Variants in SBF2 observed in about 807,000 individuals in gnomAD.
The protein encoded by SBF2 is SET binding factor 2.
SBF2 carries 112 observed loss-of-function variants against 225.2 expected under a neutral mutation model. The observed-to-expected ratio is 0.50, with a 90% CI of 0.43 to 0.58. The LOEUF (loss-of-function observed/expected upper bound fraction) is 0.58. SBF2 is among the 20% of genes least tolerant of loss of function. The pLI is 0.00. For missense variants in SBF2, 1,996 were observed against 2,206.2 expected (o/e 0.90, Z 1.91); for synonymous variants, 763 against 773.3 (o/e 0.99, Z 0.22).
intron 6 of SBF2, among the ~76,000 whole-genome samples, chr11:10,008,329 G>A (rs960344264): frequency 2.6e-5 from 4 of 152,150 alleles, no homozygotes; most frequent in African/African-American, 9.7e-5. Flanking sequence ...CATCAGAAGG[G>A]CAACTGGTCC....
At chr11:10,251,994 A>G (rs1465961568) in intron 1 of SBF2, among the ~76,000 whole-genome samples, 1 of 152,244 alleles carries the variant, frequency 6.6e-6, no homozygotes, top group Non-Finnish European at 1.5e-5. Flanking sequence ...CGAGGCCCCA[A>G]CAGGCCAAAC....
intron 16 of SBF2, among the ~76,000 whole-genome samples, chr11:9,939,381 C>T (rs955233659): frequency 6.6e-6 from 1 of 152,198 alleles, no homozygotes; most frequent in Non-Finnish European, 1.5e-5. Flanking sequence ...CAGGCGTGAG[C>T]CACTGCGCCC....
chr11:9,930,187 T>C (rs532026675), intron 16 of SBF2, among the ~76,000 whole-genome samples: 1 of 152,060 alleles, frequency 6.6e-6, no homozygotes. Flanking sequence ...TGAAAAAAAA[T>C]GTGTTTGAGC....
intron 6 of SBF2, among the ~76,000 whole-genome samples, chr11:10,026,351 C>T (rs546282889): frequency 9.0e-4 from 137 of 152,206 alleles, no homozygotes; most frequent in Non-Finnish European, 1.5e-3. Flanking sequence ...TAAAAAAGGT[C>T]AGGTGAATGG....
chr11:10,006,475 C>T (rs754941117), intron 6 of SBF2, among the ~76,000 whole-genome samples: 1 of 152,176 alleles, frequency 6.6e-6, no homozygotes, highest in Non-Finnish European at 1.5e-5. Flanking sequence ...TAGTTTTCCA[C>T]CCACATAGGG....
chr11:10,239,877 C>T (rs1235248798), intron 1 of SBF2, among the ~76,000 whole-genome samples: 3 of 152,004 alleles, frequency 2.0e-5, no homozygotes. Flanking sequence ...ATTTATAGAG[C>T]ACATAAATGT....
In SBF2 at chr11:10,154,775, C is replaced by T. The variant is rs888011213; in HGVS notation, c.141+39127G>A. Among the ~76,000 whole-genome samples, 4 of 152,288 alleles carry T rather than the reference C, an allele frequency of 2.6e-5. 1 individual carries two copies. The highest frequency in any genetic ancestry group is 6.8e-3 in the Middle Eastern group (2 of 294). On this transcript the variant is annotated intron_variant, in intron 2 of 39. Coordinates refer to ENST00000256190, the MANE Select transcript of SBF2 (RefSeq NM_030962.4). ...AAATTAAACTTATGTTTTCTTTTAGCAGGCAGCTAGCCTAATGGCCTTAGA... is the reference window on the plus strand; with the variant it reads ...AAATTAAACTTATGTTTTCTTTTAGTAGGCAGCTAGCCTAATGGCCTTAGA...
intron 6 of SBF2, among the ~76,000 whole-genome samples, chr11:10,026,185 C>T (rs768587894): frequency 3.3e-5 from 5 of 152,024 alleles, no homozygotes; most frequent in African/African-American, 4.8e-5. Flanking sequence ...CCTCACAACT[C>T]ATGGTAAAAC....
chr11:10,015,941 T>A (rs1948632156), intron 6 of SBF2, among the ~76,000 whole-genome samples: 1 of 152,022 alleles, frequency 6.6e-6, no homozygotes, highest in Non-Finnish European at 1.5e-5. Context: ...TCACTCCAGC[T>A]AATTTTTGTA....
intron 2 of SBF2, among the ~76,000 whole-genome samples, chr11:10,189,547 C>T (rs1957075156): frequency 1.3e-5 from 2 of 152,144 alleles, no homozygotes; most frequent in Admixed American, 6.6e-5. Context: ...ATGTGGAATA[C>T]AAGCTCTTTT....
chr11:9,974,977 A>AAAAAAAAAAAAAAAAAC (rs1946617274), intron 13 of SBF2, among the ~76,000 whole-genome samples: 1 of 122,732 alleles, frequency 8.1e-6, no homozygotes, highest in Non-Finnish European at 1.7e-5. Context: ...AAAAAAAAAA[A>AAAAAAAAAAAAAAAAAC]AAAAAAAAAA....
At chr11:10,269,631 A>C (rs1263483509) in intron 1 of SBF2, among the ~76,000 whole-genome samples, 1 of 152,250 alleles carries the variant, frequency 6.6e-6, no homozygotes, top group Non-Finnish European at 1.5e-5. Flanking sequence ...TGAGGTAGAT[A>C]CTACTATTTA....
intron 16 of SBF2, among the ~76,000 whole-genome samples, chr11:9,903,074 C>G (rs1861849376): frequency 6.6e-6 from 1 of 152,070 alleles, no homozygotes; most frequent in Non-Finnish European, 1.5e-5. Flanking sequence ...GTAATCCCAG[C>G]ACTTTGGGAG....
chr11:9,929,267 A>AT (rs1864297670), intron 16 of SBF2: 2 of 177,064 alleles, frequency 1.1e-5, no homozygotes, highest in Non-Finnish European at 2.3e-5. Context: ...ACCAAAAAAA[A>AT]CAAAAAACAA....
At chr11:10,102,945 A>C (rs928319868) in intron 2 of SBF2, among the ~76,000 whole-genome samples, 9 of 152,184 alleles carry the variant, frequency 5.9e-5, no homozygotes, top group Admixed American at 5.2e-4. Flanking sequence ...AAAAACATAA[A>C]ATTTTTCTCT....
intron 2 of SBF2, among the ~76,000 whole-genome samples, chr11:10,053,580 A>G (rs1356741856): frequency 1.3e-5 from 2 of 152,144 alleles, no homozygotes; most frequent in African/African-American, 4.8e-5. Context: ...TGAACATTAT[A>G]TAGATATTCT....
chr11:10,194,683 G>C (rs1957298299), intron 1 of SBF2, among the ~76,000 whole-genome samples: 3 of 152,054 alleles, frequency 2.0e-5, no homozygotes, highest in Non-Finnish European at 4.4e-5. Context: ...GGTAATTTTT[G>C]TACTTTTAGT....
At position 10,085,000 on chromosome 11, in the gene SBF2, G is replaced by A. The variant is rs1271383338; in HGVS notation, c.142-42019C>T. 2.6e-5 allele frequency among the ~76,000 whole-genome samples: 4 copies of A among 152,236 alleles called. No homozygotes were observed. The East Asian group carries it at 7.7e-4, about 29-fold the overall frequency. ...TGGGTGCAATATATATTAGTTGGGT[G>A]ATGGATACCCTAAAAGCCCTGACAT... On this transcript the variant is annotated intron_variant, in intron 2 of 39. Coordinates refer to ENST00000256190, the MANE Select transcript of SBF2 (RefSeq NM_030962.4).
intron 32 of SBF2, among the ~76,000 whole-genome samples, 166 bp from the exon 33 acceptor site, chr11:9,796,123 C>G (rs966888952): frequency 1.3e-5 from 2 of 151,786 alleles, no homozygotes; most frequent in Non-Finnish European, 2.9e-5. Context: ...CCAGCTTTTC[C>G]GAGCACCTAC....
Sources: gnomAD v4.1 joint callset for allele counts (sites outside exome capture counted in the v4.1 genomes callset) on GRCh38, gnomAD v4.1.1 for gene constraint, MANE v1.5 for transcripts, NCBI Gene and HGNC (gene_info 2026-07-23, HGNC 2026-07-21) for gene names.